The following ACKR2 variants were observed in gnomAD, a reference collection of about 807,000 sequenced individuals.
The protein encoded by ACKR2 is C-C chemokine receptor D6.
For missense variants in ACKR2, 457 were observed against 477.3 expected, an observed-to-expected ratio of 0.96 and a Z score of 0.40; for synonymous variants, 207 against 192.2, an observed-to-expected ratio of 1.08 and a Z score of -0.64.
intron 1 of ACKR2, among the ~76,000 whole-genome samples, chr3:42,817,475 A>G (rs1289424470): frequency 6.6e-6 from 1 of 151,902 alleles, no homozygotes; most frequent in Non-Finnish European, 1.5e-5. Context: ...CCCTCCTCCC[A>G]CTGAACACCC....
intron 1 of ACKR2, among the ~76,000 whole-genome samples, chr3:42,813,849 G>C (rs776970272): frequency 6.6e-6 from 1 of 152,178 alleles, no homozygotes; most frequent in Non-Finnish European, 1.5e-5. Context: ...GGAATAGATG[G>C]AATTTGTTCC....
chr3:42,814,907 A>T (rs1700733707), intron 1 of ACKR2, among the ~76,000 whole-genome samples: 1 of 152,196 alleles, frequency 6.6e-6, no homozygotes, highest in Non-Finnish European at 1.5e-5. Flanking sequence ...GATGACTAGG[A>T]TGTAAATAAA....
intron 2 of ACKR2, among the ~76,000 whole-genome samples, chr3:42,842,769 G>A (rs1464715355): frequency 6.6e-6 from 1 of 152,034 alleles, no homozygotes; most frequent in East Asian, 1.9e-4. Flanking sequence ...GATCATTTGA[G>A]ATCAGGAGTT....
chr3:42,855,622 G>T (rs2088308923), intron 2 of ACKR2, among the ~76,000 whole-genome samples: 1 of 152,172 alleles, frequency 6.6e-6, no homozygotes, highest in Admixed American at 6.5e-5. Context: ...GACCTGGAAA[G>T]ATTCCCAGAG....
rs748499771 is a variant in ACKR2 at position 42,865,120 on chromosome 3, G to A, written c.618G>A (p.Trp206Ter). Residue 206 changes from tryptophan (W) to a stop codon, truncating the protein, a stop_gained, in exon 3 of 3, where the codon TGG (tryptophan) becomes TGA (stop). Coordinates refer to ENST00000422265, the MANE Select transcript of ACKR2 (RefSeq NM_001296.5). LOFTEE classifies it low-confidence loss of function (END_TRUNC). ...HADFGGHGTI[W>*]KLFLRFQQNL... ...ATTTCGGCGGGCATGGGACCATTTG[G>A]AAGCTCTTCCTCCGCTTCCAGCAGA... 7 of 1,614,030 alleles carry A rather than the reference G, an allele frequency of 4.3e-6. No homozygotes were observed. Among genetic ancestry groups the A allele is most frequent in the Non-Finnish European group, 5.9e-6 (7 of 1,179,984 alleles).
intron 1 of ACKR2, among the ~76,000 whole-genome samples, chr3:42,817,322 C>A (rs1310627667): frequency 1.3e-5 from 2 of 152,188 alleles, no homozygotes; most frequent in South Asian, 2.1e-4. Flanking sequence ...TCAATTCTCT[C>A]ATTTATTCTT....
chr3:42,839,715 G>T (rs1371786492), intron 2 of ACKR2, among the ~76,000 whole-genome samples: 11 of 152,286 alleles, frequency 7.2e-5, no homozygotes, highest in African/African-American at 2.4e-4. Flanking sequence ...TATTTGAAAA[G>T]ATAAAAATAA....
At chr3:42,821,150 C>G (rs1188729374) in intron 2 of ACKR2, among the ~76,000 whole-genome samples, 1 of 152,128 alleles carries the variant, frequency 6.6e-6, no homozygotes, top group Non-Finnish European at 1.5e-5. Context: ...CCCCAAAGTG[C>G]TGGTGCTAAG....
chr3:42,816,561 AT>A lies in ACKR2; in HGVS notation c.-118-3056del, dbSNP rs780879895. ...GTCAATGAACTGAGGCACTCAGTTC[AT>A]TTTTTTTTTTTTTAAGGTAGAGTCT... is the stretch of plus-strand genomic sequence containing the variant. On this transcript the variant is annotated intron_variant, in intron 1 of 2. Transcript: ENST00000422265. Among the ~76,000 whole-genome samples, 584 of 143,512 alleles carry A rather than the reference AT, an allele frequency of 4.1e-3. 1 individual carries two copies. The highest frequency in any genetic ancestry group is 3.9e-3 in the Admixed American group (56 of 14,396). 94.1% of individuals were successfully genotyped at this position (143,512 alleles called of 152,430 possible). A position where few individuals can be genotyped will look rare whatever the true frequency, so the allele number is the denominator to read the frequency against.
At position 42,828,073 on chromosome 3, in the gene ACKR2, A is replaced by ATT. The variant is rs1392329841; in HGVS notation, c.-38+8363_-38+8364dup. Among the ~76,000 whole-genome samples, 43 of 56,868 alleles carry ATT rather than the reference A, an allele frequency of 7.6e-4. No homozygotes were observed. In the East Asian group the frequency reaches 7.8e-3, roughly 10 times the overall value. 37.3% of individuals were successfully genotyped at this position (56,868 alleles called of 152,430 possible). On this transcript the variant is annotated intron_variant, in intron 2 of 2. Transcript: ENST00000422265. ...GGAGGATATGTCAAAGGATGCTTGC[A>ATT]TTATATATATATATATATATTTTTT... is the stretch of plus-strand genomic sequence containing the variant.
intron 2 of ACKR2, among the ~76,000 whole-genome samples, chr3:42,826,845 TA>T (rs1700870582): frequency 1.3e-5 from 2 of 152,216 alleles, no homozygotes; most frequent in South Asian, 4.1e-4. Context: ...GGTCTCTTTT[TA>T]AAAATATCTG....
chr3:42,841,510 C>A (rs11919717), intron 2 of ACKR2: 58,109 of 152,018 alleles, frequency 0.38, 11,830 homozygotes, highest in East Asian at 0.67. Context: ...CCTCTGACTC[C>A]TCTCCCTTTG....
Position 42,865,528 on chromosome 3 carries a change from C to G in ACKR2, c.1026C>G (p.Ala342=). The G allele has an allele frequency of 6.2e-7, 1 of 1,614,164 alleles. No homozygotes were observed. Among genetic ancestry groups the G allele is most frequent in the Non-Finnish European group, 8.5e-7 (1 of 1,180,026 alleles). Residue 342 remains alanine, a synonymous_variant, in exon 3 of 3, where the codon GCC becomes GCG. Transcript: ENST00000422265. The part of the protein sequence containing the change: ...GWHLAPGTAQ[A]SLSSCSESSI... ...ACCTGGCACCTGGCACTGCCCAGGCCTCATTATCCAGCTGTTCTGAGAGCA... is the reference window on the plus strand; with the variant it reads ...ACCTGGCACCTGGCACTGCCCAGGCGTCATTATCCAGCTGTTCTGAGAGCA...
chr3:42,837,645 C>T (rs1471317065), intron 2 of ACKR2, among the ~76,000 whole-genome samples: 1 of 152,118 alleles, frequency 6.6e-6, no homozygotes, highest in Admixed American at 6.5e-5. Context: ...TGGTGCCCGC[C>T]CACATTAGTC....
At chr3:42,832,623 G>A (rs979071386) in intron 2 of ACKR2, among the ~76,000 whole-genome samples, 3 of 152,110 alleles carry the variant, frequency 2.0e-5, no homozygotes, top group Non-Finnish European at 4.4e-5. Context: ...CATACGGAAC[G>A]CACAGCAATG....
chr3:42,844,513 A>G (rs1701072624), intron 2 of ACKR2, among the ~76,000 whole-genome samples: 1 of 152,172 alleles, frequency 6.6e-6, no homozygotes, highest in Non-Finnish European at 1.5e-5. Context: ...GGCAGGGGCA[A>G]GACAGGCTTT....
rs563027312 is a variant in ACKR2 at position 42,826,673 on chromosome 3, T to A, written c.-38+6962T>A. On this transcript the variant is annotated intron_variant, in intron 2 of 2. Coordinates refer to ENST00000422265, the MANE Select transcript of ACKR2 (RefSeq NM_001296.5). Reference sequence around the variant, plus strand: ...AAGTTTGTCAGTTTTGCTGATGTTTTCCAAGAACAACCTTTGGTTTTGTTG... The same window carrying A: ...AAGTTTGTCAGTTTTGCTGATGTTTACCAAGAACAACCTTTGGTTTTGTTG... Among the ~76,000 whole-genome samples the A allele has an allele frequency of 2.0e-5, 3 of 152,292 alleles. No homozygotes were observed. The East Asian group carries it at 5.8e-4, about 29-fold the overall frequency.
intron 2 of ACKR2, chr3:42,835,319 G>T (rs1042829902): frequency 5.9e-5 from 9 of 151,774 alleles, no homozygotes; most frequent in Non-Finnish European, 8.8e-5. Flanking sequence ...GTGTGGTGTT[G>T]GTGAGGGCTC....
At chr3:42,840,844 C>T (rs1018890712) in intron 2 of ACKR2, among the ~76,000 whole-genome samples, 2 of 152,182 alleles carry the variant, frequency 1.3e-5, no homozygotes, top group South Asian at 2.1e-4. Flanking sequence ...CATGCCACCA[C>T]GTCTGGCTAA....
Sources: gnomAD v4.1 joint callset for allele counts (sites outside exome capture counted in the v4.1 genomes callset) on GRCh38, gnomAD v4.1.1 for gene constraint, MANE v1.5 for transcripts, NCBI Gene and HGNC (gene_info 2026-07-23, HGNC 2026-07-21) for gene names.